LRRTM4: variants seen among roughly 807,000 people sequenced by gnomAD.
LRRTM4 encodes leucine-rich repeat transmembrane neuronal protein 4.
LRRTM4 carries 25 observed loss-of-function variants against 47.6 expected under a neutral mutation model. That is an observed-to-expected ratio of 0.53 (90% CI 0.38 to 0.73). The LOEUF (loss-of-function observed/expected upper bound fraction) is 0.73. LRRTM4 is among the 30% of genes least tolerant of loss of function. The pLI is 0.00. For synonymous variants in LRRTM4, 311 were observed against 269.5 expected, an observed-to-expected ratio of 1.15 and a Z score of -1.51; for missense variants, 638 against 713.4, an observed-to-expected ratio of 0.89 and a Z score of 1.20.
intron 3 of LRRTM4, among the ~76,000 whole-genome samples, chr2:76,880,550 C>T (rs1033774164): frequency 4.6e-5 from 7 of 152,136 alleles, no homozygotes; most frequent in East Asian, 3.9e-4. Flanking sequence ...ATGTGACTTG[C>T]TTTATTATGT....
At chr2:77,431,895 G>T (rs2103907084) in intron 3 of LRRTM4, among the ~76,000 whole-genome samples, 1 of 150,852 alleles carries the variant, frequency 6.6e-6, no homozygotes, top group African/African-American at 2.5e-5. Context: ...CCAACATGGG[G>T]AAACCCTGTC....
chr2:77,445,372 G>C (rs1676011961), intron 3 of LRRTM4, among the ~76,000 whole-genome samples: 1 of 151,848 alleles, frequency 6.6e-6, no homozygotes, highest in African/African-American at 2.4e-5. Context: ...CTCTGGGAAA[G>C]TATTTTCCCT....
chr2:76,878,237 T>A (rs187609310), intron 3 of LRRTM4, among the ~76,000 whole-genome samples: 1 of 152,112 alleles, frequency 6.6e-6, no homozygotes, highest in Admixed American at 6.5e-5. Flanking sequence ...AATTGATAAA[T>A]GTTATATGTA....
intron 3 of LRRTM4, among the ~76,000 whole-genome samples, chr2:76,814,537 A>G (rs1670842570): frequency 6.6e-6 from 1 of 152,164 alleles, no homozygotes. Flanking sequence ...GACAAGAATA[A>G]AAAATATCAA....
chr2:77,108,734 C>T (rs1162495258), intron 3 of LRRTM4, among the ~76,000 whole-genome samples: 2 of 151,806 alleles, frequency 1.3e-5, no homozygotes, highest in African/African-American at 4.8e-5. Flanking sequence ...CAGGCGCCCG[C>T]CACCACGCCC....
At chr2:77,351,170 T>A (rs942169285) in intron 3 of LRRTM4, among the ~76,000 whole-genome samples, 3 of 152,068 alleles carry the variant, frequency 2.0e-5, no homozygotes, top group African/African-American at 7.2e-5. Flanking sequence ...AAACATATAG[T>A]ATTTGGTTTT....
chr2:77,043,623 A>G (rs772221431), intron 3 of LRRTM4, among the ~76,000 whole-genome samples: 1 of 151,840 alleles, frequency 6.6e-6, no homozygotes, highest in Non-Finnish European at 1.5e-5. Flanking sequence ...TGTCTTATTC[A>G]AAAGGTATAA....
chr2:77,046,904 G>C (rs1679253907), intron 3 of LRRTM4, among the ~76,000 whole-genome samples: 1 of 151,958 alleles, frequency 6.6e-6, no homozygotes, highest in African/African-American at 2.4e-5. Context: ...TAAAAGAAAG[G>C]GAAGCAGAAG....
At chr2:77,211,565 T>C (rs986712616) in intron 3 of LRRTM4, among the ~76,000 whole-genome samples, 1 of 152,174 alleles carries the variant, frequency 6.6e-6, no homozygotes, top group Non-Finnish European at 1.5e-5. Context: ...TTATCAATAA[T>C]ATATTAAGAG....
At chr2:76,814,005 C>T (rs1184631775) in intron 3 of LRRTM4, among the ~76,000 whole-genome samples, 2 of 152,042 alleles carry the variant, frequency 1.3e-5, no homozygotes, top group South Asian at 2.1e-4. Flanking sequence ...ATCTCCTTAT[C>T]CCCCTCTGGG....
At chr2:77,277,745 T>C (rs1676401262) in intron 3 of LRRTM4, among the ~76,000 whole-genome samples, 1 of 152,168 alleles carries the variant, frequency 6.6e-6, no homozygotes, top group East Asian at 1.9e-4. Context: ...CGTAGTGAAC[T>C]TTACAAATGA....
chr2:77,298,337 C>T (rs1677031085), intron 3 of LRRTM4, among the ~76,000 whole-genome samples: 4 of 152,060 alleles, frequency 2.6e-5, no homozygotes, highest in South Asian at 2.1e-4. Flanking sequence ...CCCGGGTTCA[C>T]GCCATTCTCC....
intron 3 of LRRTM4, among the ~76,000 whole-genome samples, chr2:76,895,879 T>G (rs1292472573): frequency 6.6e-6 from 1 of 152,046 alleles, no homozygotes; most frequent in Non-Finnish European, 1.5e-5. Flanking sequence ...TCTTTTCTTT[T>G]TCTCTTTTCA....
intron 3 of LRRTM4, among the ~76,000 whole-genome samples, chr2:77,259,413 T>C (rs772993656): frequency 2.0e-4 from 30 of 152,198 alleles, no homozygotes; most frequent in Admixed American, 6.6e-4. Context: ...TCATAAATCA[T>C]CATTATTTAT....
intron 3 of LRRTM4, among the ~76,000 whole-genome samples, chr2:77,055,913 T>G (rs56117161): frequency 6.6e-6 from 1 of 150,424 alleles, no homozygotes; most frequent in Non-Finnish European, 1.5e-5. Context: ...AATTGGAAAT[T>G]ATCATTCTCA....
chr2:76,844,227 CG>C, intron 3 of LRRTM4, among the ~76,000 whole-genome samples: 1 of 152,034 alleles, frequency 6.6e-6, no homozygotes, highest in Non-Finnish European at 1.5e-5. Flanking sequence ...CTCCACCTCT[CG>C]GGTTCAAGCT....
chr2:77,007,640 T>C (rs1004060874), intron 3 of LRRTM4, among the ~76,000 whole-genome samples: 4 of 152,188 alleles, frequency 2.6e-5, no homozygotes, highest in African/African-American at 7.2e-5. Flanking sequence ...TGACATATTA[T>C]CGAATAATTT....
intron 3 of LRRTM4, among the ~76,000 whole-genome samples, chr2:77,479,495 G>A (rs2861073): frequency 0.057 from 8,734 of 152,252 alleles, 311 homozygotes; most frequent in Middle Eastern, 0.12. Context: ...AGTGTGCACC[G>A]TAGCAGGATG....
At chr2:77,010,108 C>T (rs1677813077) in intron 3 of LRRTM4, among the ~76,000 whole-genome samples, 1 of 151,860 alleles carries the variant, frequency 6.6e-6, no homozygotes, top group African/African-American at 2.4e-5. Flanking sequence ...TTAACATGTG[C>T]ATTATCTCAT....
Sources: gnomAD v4.1 joint callset for allele counts (sites outside exome capture counted in the v4.1 genomes callset) on GRCh38, gnomAD v4.1.1 for gene constraint, MANE v1.5 for transcripts, NCBI Gene and HGNC (gene_info 2026-07-23, HGNC 2026-07-21) for gene names.